ATP9B: variants seen among roughly 807,000 people sequenced by gnomAD.
ATP9B encodes probable phospholipid-transporting ATPase IIB.
Under a neutral mutation model 146.1 loss-of-function variants are expected in ATP9B, and 110 were observed. The ratio of observed to expected loss-of-function variants is 0.75; its 90% CI spans 0.65 to 0.88. ATP9B has a LOEUF of 0.88. ATP9B is among the 40% of genes least tolerant of loss of function. The probability of loss-of-function intolerance (pLI) is 0.00; values close to 1 mark genes in which losing one functional copy is unlikely to be tolerated. For synonymous variants in ATP9B, 604 were observed against 569.7 expected, an observed-to-expected ratio of 1.06 and a Z score of -0.86; for missense variants, 1,499 against 1,496.4, an observed-to-expected ratio of 1.00 and a Z score of -0.03.
chr18:79,255,093 T>A (rs928430274), intron 12 of ATP9B: 2 of 152,050 alleles, frequency 1.3e-5, no homozygotes, highest in African/African-American at 2.4e-5. Context: ...CTGTAAGTAT[T>A]TGTTGAATGG....
chr18:79,122,032 C>T (rs1182772759), intron 4 of ATP9B, among the ~76,000 whole-genome samples: 3 of 152,114 alleles, frequency 2.0e-5, no homozygotes, highest in Non-Finnish European at 2.9e-5. Context: ...TTAGAGTCAC[C>T]TGGAGAGTTT....
At chr18:79,083,484 C>G (rs2073478557) in intron 1 of ATP9B, among the ~76,000 whole-genome samples, 1 of 152,198 alleles carries the variant, frequency 6.6e-6, no homozygotes, top group Admixed American at 6.5e-5. Context: ...AGCTCGGTGT[C>G]TGCCCAAACG....
chr18:79,151,066 A>C (rs374423649), intron 6 of ATP9B, among the ~76,000 whole-genome samples: 1 of 152,200 alleles, frequency 6.6e-6, no homozygotes, highest in Non-Finnish European at 1.5e-5. Context: ...ATCCCAGTTG[A>C]TGTCTTTGCA....
intron 23 of ATP9B, among the ~76,000 whole-genome samples, chr18:79,346,423 G>A (rs1260129496): frequency 2.6e-5 from 4 of 151,038 alleles, no homozygotes; most frequent in African/African-American, 4.9e-5. Context: ...CTTGGTCAGC[G>A]CACGTCAGCA....
chr18:79,270,101 T>C (rs2096241213), intron 12 of ATP9B, among the ~76,000 whole-genome samples: 1 of 152,232 alleles, frequency 6.6e-6, no homozygotes, highest in African/African-American at 2.4e-5. Context: ...CTTCTTAGCC[T>C]TTTGGAGACA....
chr18:79,072,644 C>T (rs560510644), intron 1 of ATP9B, among the ~76,000 whole-genome samples: 9 of 152,318 alleles, frequency 5.9e-5, no homozygotes, highest in Middle Eastern at 3.4e-3. Context: ...CATCATGGCC[C>T]GTTCTCAGTG....
At chr18:79,220,568 T>A (rs933859068) in intron 11 of ATP9B, among the ~76,000 whole-genome samples, 1 of 152,034 alleles carries the variant, frequency 6.6e-6, no homozygotes, top group African/African-American at 2.4e-5. Context: ...ACCACTGCAC[T>A]CCAGCCTGGG....
At chr18:79,177,048 A>G (rs2095182415) in intron 8 of ATP9B, 141 bp downstream of exon 8, 2 of 685,196 alleles carry the variant, frequency 2.9e-6, no homozygotes, top group East Asian at 2.9e-5. Context: ...ATGAAGGTTC[A>G]TTGAAGAATT....
At position 79,372,815 on chromosome 18, in the gene ATP9B, G is replaced by C. The variant is rs757284727; in HGVS notation, c.3013-10G>C. Reference sequence around the variant, plus strand: ...TGCGCACTAACGACGCTCTTCCACTGTTTCCCTAGGGAAGATCCTTGTCCT... The same window carrying C: ...TGCGCACTAACGACGCTCTTCCACTCTTTCCCTAGGGAAGATCCTTGTCCT... On this transcript the variant is annotated splice_polypyrimidine_tract_variant and intron_variant, in intron 26 of 29. Transcript: ENST00000426216. 2 of 1,601,848 alleles carry C rather than the reference G, an allele frequency of 1.2e-6. No individual in the cohort carries two copies. The highest frequency in any genetic ancestry group is 1.7e-6 in the Non-Finnish European group (2 of 1,168,914).
chr18:79,337,236 C>T, intron 18 of ATP9B, 43 bp from the exon 19 acceptor site: 2 of 1,607,774 alleles, frequency 1.2e-6, no homozygotes, highest in Admixed American at 1.7e-5. Flanking sequence ...CCACACACAG[C>T]ACGTACACGT....
intron 11 of ATP9B, among the ~76,000 whole-genome samples, chr18:79,248,432 A>T (rs1248115262): frequency 6.6e-6 from 1 of 152,238 alleles, no homozygotes; most frequent in Non-Finnish European, 1.5e-5. Flanking sequence ...ATTTGTTTCA[A>T]AGATACTTAA....
At chr18:79,144,979 G>T in intron 6 of ATP9B, 1 of 241,480 alleles carries the variant, frequency 4.1e-6, no homozygotes, top group Non-Finnish European at 8.3e-6. Context: ...CGTGGAGATT[G>T]TCAGGGCTGC....
intron 29 of ATP9B, chr18:79,376,214 C>CACACACACACACACACACACACACAAAA: frequency 5.7e-6 from 3 of 528,146 alleles, no homozygotes; most frequent in African/African-American, 2.4e-5. Flanking sequence ...CACACACACA[C>CACACACACACACACACACACACACAAAA]AAAACAAAAC....
At chr18:79,200,809 A>T (rs184311227) in intron 9 of ATP9B, among the ~76,000 whole-genome samples, 141 of 586 alleles carry the variant, frequency 0.24, no homozygotes, top group Non-Finnish European at 0.28. Flanking sequence ...TCATCAGAAT[A>T]GACTTGGGTG....
intron 11 of ATP9B, among the ~76,000 whole-genome samples, chr18:79,224,740 C>T (rs2095712572): frequency 6.6e-6 from 1 of 152,234 alleles, no homozygotes; most frequent in Non-Finnish European, 1.5e-5. Context: ...ATCTCCTCTG[C>T]ACCCTCCTGT....
chr18:79,242,208 G>T (rs2095896116), intron 11 of ATP9B, among the ~76,000 whole-genome samples: 2 of 152,228 alleles, frequency 1.3e-5, no homozygotes, highest in African/African-American at 4.8e-5. Flanking sequence ...AGGCTGGCAA[G>T]ATTGTTTCCA....
intron 11 of ATP9B, among the ~76,000 whole-genome samples, chr18:79,215,504 T>C (rs974325706): frequency 1.4e-5 from 2 of 147,062 alleles, no homozygotes; most frequent in Admixed American, 6.8e-5. Flanking sequence ...GTTATCTCTT[T>C]AGACTTACAT....
At chr18:79,375,459 A>G (rs1568873266) in intron 29 of ATP9B, 33 bp downstream of exon 29, 2 of 1,604,842 alleles carry the variant, frequency 1.2e-6, no homozygotes, top group Non-Finnish European at 1.7e-6. Context: ...TCAAAAGTGT[A>G]GAAATTTAGC....
At chr18:79,175,641 A>G (rs1279295340) in intron 7 of ATP9B, among the ~76,000 whole-genome samples, 2 of 152,260 alleles carry the variant, frequency 1.3e-5, no homozygotes, top group Non-Finnish European at 2.9e-5. Flanking sequence ...TCACACACCA[A>G]TATGCACACA....
Sources: gnomAD v4.1 joint callset for allele counts (sites outside exome capture counted in the v4.1 genomes callset) on GRCh38, gnomAD v4.1.1 for gene constraint, MANE v1.5 for transcripts, NCBI Gene and HGNC (gene_info 2026-07-23, HGNC 2026-07-21) for gene names.